The following ZNF532 variants were observed in gnomAD, a reference collection of about 807,000 sequenced individuals.
The protein encoded by ZNF532 is zinc finger protein 532.
A neutral mutation model predicts 89.3 loss-of-function variants in ZNF532; 22 were observed. The observed-to-expected ratio is 0.25, with a 90% CI of 0.18 to 0.35. ZNF532 has a LOEUF of 0.35. ZNF532 is among the 10% of genes least tolerant of loss of function. ZNF532 has a pLI of 1.00. For synonymous variants in ZNF532, 606 were observed against 649.6 expected (o/e 0.93, Z 1.02); for missense variants, 1,132 against 1,643.4 (o/e 0.69, Z 5.38).
chr18:58,981,339 C>G (rs982955181), intron 8 of ZNF532, 131 bp from the exon 9 acceptor site: 1 of 1,202,158 alleles, frequency 8.3e-7, no homozygotes, highest in Non-Finnish European at 1.2e-6. Context: ...CGTGTTGAAC[C>G]ATGGTGTGAA....
In ZNF532 at chr18:58,948,075, A is replaced by G. The variant is rs371153903; in HGVS notation, c.2714A>G (p.Tyr905Cys). 6.8e-6 allele frequency: 11 copies of G among 1,612,470 alleles called. No homozygotes were observed. Among genetic ancestry groups the G allele is most frequent in the African/African-American group, 1.3e-5 (1 of 74,848 alleles). ...GCACTCTTCTATTTTAGAATAATAT[A>G]TAAGTGTTCCATGTGCGACACTGTG... is the stretch of plus-strand genomic sequence containing the variant. ...GIKIGEPKII[Y>C]KCSMCDTVFT... Residue 905 changes from tyrosine to cysteine, a missense_variant, in exon 6 of 10, where the codon TAT becomes TGT. Tyr to Cys is a radical substitution (Grantham distance 194). Transcript: ENST00000591808.
intron 7 of ZNF532, among the ~76,000 whole-genome samples, chr18:58,967,671 A>T (rs990857658): frequency 1.3e-5 from 2 of 152,046 alleles, no homozygotes; most frequent in African/African-American, 4.8e-5. Context: ...CTCGGTAAAT[A>T]CCGTGGAAGG....
At chr18:58,887,764 C>G (rs539564710) in intron 2 of ZNF532, among the ~76,000 whole-genome samples, 25 of 152,278 alleles carry the variant, frequency 1.6e-4, no homozygotes, top group African/African-American at 5.5e-4. Context: ...TCTTCCCAAT[C>G]CTAGGGCCTA....
rs2146074160 is a variant in ZNF532 at position 58,919,285 on chromosome 18, A to T, written c.998A>T (p.Asp333Val). 1.2e-6 allele frequency: 2 copies of T among 1,614,108 alleles called. No individual in the cohort carries two copies. The highest frequency in any genetic ancestry group is 4.5e-5 in the East Asian group (2 of 44,880). The change falls in exon 3 of 10, where the codon GAT becomes GTT. Residue 333 changes from aspartate (D) to valine (V), a missense_variant. Physicochemically the swap from Asp to Val is radical, Grantham distance 152. Transcript: ENST00000591808. This position sits in a 1 kb window ranked among gnomAD's most constrained non-coding sequence, Gnocchi z 6.1. ...AAAAAACCATCCCTGAAGCAACCGG[A>T]TAGTCCCAGAAGCATCTCAAGTGAG... ...GTKKPSLKQPDSPRSISSENS... is the reference protein window; with the variant it reads ...GTKKPSLKQPVSPRSISSENS...
chr18:58,969,028 A>G (rs970931798), intron 7 of ZNF532, among the ~76,000 whole-genome samples: 5 of 152,202 alleles, frequency 3.3e-5, no homozygotes, highest in African/African-American at 1.2e-4. Context: ...GCATGGTTGA[A>G]TGAATAAGGA....
At chr18:58,899,069 G>A (rs1466699513) in intron 2 of ZNF532, among the ~76,000 whole-genome samples, 1 of 152,250 alleles carries the variant, frequency 6.6e-6, no homozygotes, top group Non-Finnish European at 1.5e-5. Context: ...GATTGCTGTG[G>A]GGATCCATGC....
intron 6 of ZNF532, among the ~76,000 whole-genome samples, chr18:58,949,317 T>G (rs1342289658): frequency 6.6e-6 from 1 of 152,230 alleles, no homozygotes; most frequent in Admixed American, 6.5e-5. Context: ...TTTCAGAGAT[T>G]AAAATGACTT....
intron 2 of ZNF532, among the ~76,000 whole-genome samples, chr18:58,901,474 C>T (rs1202842079): frequency 6.6e-6 from 1 of 152,140 alleles, no homozygotes; most frequent in Non-Finnish European, 1.5e-5. Context: ...CTTCTTGGTT[C>T]AGAAGTAGAG....
intron 2 of ZNF532, among the ~76,000 whole-genome samples, chr18:58,870,742 G>A (rs1197850924): frequency 6.6e-6 from 1 of 152,128 alleles, no homozygotes; most frequent in Non-Finnish European, 1.5e-5. Context: ...TGGTAGGTGG[G>A]GGCTGCTTCA....
At chr18:58,981,330 G>A (rs1353450298) in intron 8 of ZNF532, 140 bp from the exon 9 acceptor site, 30 of 1,085,812 alleles carry the variant, frequency 2.8e-5, no homozygotes, top group Non-Finnish European at 3.9e-5. Flanking sequence ...TGCTGATTGC[G>A]TGTTGAACCA....
chr18:58,922,296 G>A (rs1174055594), intron 3 of ZNF532, among the ~76,000 whole-genome samples: 1 of 152,170 alleles, frequency 6.6e-6, no homozygotes, highest in East Asian at 1.9e-4. Context: ...CTATCTTGGT[G>A]ATTAGTTCCT....
chr18:58,927,961 C>T (rs759273932), intron 3 of ZNF532, among the ~76,000 whole-genome samples: 4 of 152,186 alleles, frequency 2.6e-5, no homozygotes, highest in South Asian at 2.1e-4. Context: ...GTGAGAATTG[C>T]GTCTTTTACC....
chr18:58,983,293 A>G (rs897954548), intron 9 of ZNF532, among the ~76,000 whole-genome samples: 1 of 152,126 alleles, frequency 6.6e-6, no homozygotes, highest in Admixed American at 6.5e-5. Flanking sequence ...AATGGTGTGA[A>G]GGTGAGGAGG....
At chr18:58,863,610 A>AGCCGCCGCC (rs560514596), upstream of ZNF532, 1 of 145,050 alleles carries the variant, frequency 6.9e-6, no homozygotes, top group African/African-American at 2.6e-5. Flanking sequence ...GTAACATGGA[A>AGCCGCCGCC]GCCGCCGCCG....
intron 2 of ZNF532, among the ~76,000 whole-genome samples, chr18:58,899,133 A>G (rs987896967): frequency 2.0e-5 from 3 of 152,170 alleles, no homozygotes; most frequent in African/African-American, 4.8e-5. Flanking sequence ...AGTCCGTGTG[A>G]TTGTTGGTTC....
intron 7 of ZNF532, among the ~76,000 whole-genome samples, chr18:58,969,873 C>CTTTTTT (rs10617418): frequency 4.7e-5 from 4 of 84,750 alleles, no homozygotes; most frequent in Admixed American, 1.5e-4. Context: ...ATATTTGTCC[C>CTTTTTT]TTTTTTTTTT....
At chr18:58,940,063 T>G (rs1457309849) in intron 5 of ZNF532, 1 of 153,878 alleles carries the variant, frequency 6.5e-6, no homozygotes, top group Non-Finnish European at 1.4e-5. Context: ...CTGGCTAATT[T>G]TTTGTATTGT....
Position 58,920,450 on chromosome 18 carries a change from T to C in ZNF532, c.2163T>C (p.Ser721=), listed in dbSNP as rs954456742. ...AGTHTVTKIQ[S]GITGTVISAP... ...CACACACTGTCACAAAAATTCAGTC[T>C]GGCATAACTGGGACAGTCATATCGG... is the stretch of plus-strand genomic sequence containing the variant. Residue 721 remains serine (S), a synonymous_variant, in exon 3 of 10, where the codon TCT becomes TCC. Coordinates refer to ENST00000591808, the MANE Select transcript of ZNF532 (RefSeq NM_001375912.1). 1.2e-6 allele frequency: 2 copies of C among 1,613,992 alleles called. No homozygotes were observed. The highest frequency in any genetic ancestry group is 2.7e-5 in the African/African-American group (2 of 75,040).
chr18:58,918,013 C>A, intron 2 of ZNF532, among the ~76,000 whole-genome samples: 1 of 152,282 alleles, frequency 6.6e-6, no homozygotes, highest in South Asian at 2.1e-4. Flanking sequence ...CAACTTCATT[C>A]TTGTTAGCTG....
Sources: gnomAD v4.1 joint callset for allele counts (sites outside exome capture counted in the v4.1 genomes callset) on GRCh38, gnomAD v4.1.1 for gene constraint, Gnocchi (gnomAD v3.1) non-coding constraint, MANE v1.5 for transcripts, NCBI Gene and HGNC (gene_info 2026-07-23, HGNC 2026-07-21) for gene names.